The following GPCPD1 variants were observed in gnomAD, a reference collection of about 807,000 sequenced individuals.
GPCPD1 encodes glycerophosphocholine phosphodiesterase GPCPD1.
In GPCPD1, 29 loss-of-function variants were observed where a neutral mutation model predicts 89.2. The observed-to-expected ratio is 0.33, with a 90% CI of 0.24 to 0.44. The LOEUF is 0.44. GPCPD1 is among the 20% of genes least tolerant of loss of function. GPCPD1 has a pLI of 1.00. For synonymous variants in GPCPD1, 258 were observed against 266.3 expected (o/e 0.97, Z 0.30); for missense variants, 594 against 808.9 (o/e 0.73, Z 3.22).
intron 15 of GPCPD1, among the ~76,000 whole-genome samples, chr20:5,561,818 G>C (rs557071141): frequency 7.2e-5 from 11 of 152,078 alleles, no homozygotes; most frequent in Non-Finnish European, 1.3e-4. Flanking sequence ...AATCCTTTTC[G>C]CCATTACTAG....
At chr20:5,603,935 T>C (rs1369068109) in intron 2 of GPCPD1, among the ~76,000 whole-genome samples, 2 of 151,866 alleles carry the variant, frequency 1.3e-5, no homozygotes, top group African/African-American at 4.8e-5. Flanking sequence ...TTAGTAGAGA[T>C]GGGGTTTCAC....
chr20:5,559,926 A>C lies in GPCPD1; in HGVS notation c.1532+14T>G. On this transcript the variant is annotated intron_variant, in intron 17 of 19. Coordinates refer to ENST00000379019, the MANE Select transcript of GPCPD1 (RefSeq NM_019593.5). Reference sequence around the variant, plus strand: ...ATTCTAAGAGTATAGGAAAAAATACAGAGTATTACTCACATTGTGCAAATA... The same window carrying C: ...ATTCTAAGAGTATAGGAAAAAATACCGAGTATTACTCACATTGTGCAAATA... 4 of 1,435,220 alleles carry C rather than the reference A, an allele frequency of 2.8e-6. No individual in the cohort carries two copies. The highest frequency in any genetic ancestry group is 2.8e-6 in the Non-Finnish European group (3 of 1,065,148). The allele number at this position is 1,435,220 out of a possible 1,614,324, so 88.9% of individuals were successfully genotyped here. A position where few individuals can be genotyped will look rare whatever the true frequency, so the allele number is the denominator to read the frequency against.
intron 4 of GPCPD1, among the ~76,000 whole-genome samples, chr20:5,588,419 T>C (rs1247903263): frequency 6.6e-6 from 1 of 151,742 alleles, no homozygotes; most frequent in Non-Finnish European, 1.5e-5. Context: ...GCACGAGAAT[T>C]GCTTGACCGT....
At chr20:5,587,612 C>A (rs1016808161) in intron 4 of GPCPD1, among the ~76,000 whole-genome samples, 1 of 152,124 alleles carries the variant, frequency 6.6e-6, no homozygotes, top group Non-Finnish European at 1.5e-5. Context: ...GTGATCCACC[C>A]ACCTCAGCCT....
chr20:5,577,065 GT>G (rs35980274), intron 8 of GPCPD1, among the ~76,000 whole-genome samples: 49,553 of 113,670 alleles, frequency 0.44, 10,953 homozygotes, highest in East Asian at 0.63. Flanking sequence ...TTTTTTTTTT[GT>G]TTTTTTTTTT....
At chr20:5,593,660 A>C (rs1378094725) in intron 3 of GPCPD1, among the ~76,000 whole-genome samples, 1 of 152,218 alleles carries the variant, frequency 6.6e-6, no homozygotes, top group Non-Finnish European at 1.5e-5. Flanking sequence ...AAGAAGATAG[A>C]CAGAACGAAG....
chr20:5,564,096 G>C (rs1986238612), intron 15 of GPCPD1, among the ~76,000 whole-genome samples: 1 of 152,104 alleles, frequency 6.6e-6, no homozygotes, highest in African/African-American at 2.4e-5. Context: ...AACAAAAGCA[G>C]AGCCAGCATC....
At chr20:5,584,531 C>G (rs41297638) in intron 5 of GPCPD1, 4 of 327,824 alleles carry the variant, frequency 1.2e-5, no homozygotes, top group Non-Finnish European at 1.7e-5. Flanking sequence ...TTACATACTT[C>G]GTTGATTGTC....
chr20:5,595,064 G>A (rs75429663), intron 3 of GPCPD1, among the ~76,000 whole-genome samples: 5,897 of 152,120 alleles, frequency 0.039, 152 homozygotes, highest in Non-Finnish European at 0.062. Context: ...CAGCAACCAC[G>A]ACTCTGATCA....
intron 12 of GPCPD1, among the ~76,000 whole-genome samples, chr20:5,568,590 C>A (rs977279992): frequency 2.0e-5 from 3 of 152,020 alleles, no homozygotes; most frequent in African/African-American, 7.2e-5. Context: ...AATATTTGAA[C>A]TCTCATTGAT....
intron 3 of GPCPD1, 55 bp from the exon 4 acceptor site, chr20:5,593,466 A>G: frequency 1.1e-6 from 1 of 871,900 alleles, no homozygotes; most frequent in Non-Finnish European, 1.9e-6. Context: ...ACAGTGCATA[A>G]AGACTTCTTA....
chr20:5,551,786 C>T (rs1402476393), intron 19 of GPCPD1, among the ~76,000 whole-genome samples: 1 of 151,936 alleles, frequency 6.6e-6, no homozygotes, highest in Non-Finnish European at 1.5e-5. Context: ...AAAAGAACGG[C>T]CTCTTACTCA....
intron 6 of GPCPD1, among the ~76,000 whole-genome samples, chr20:5,580,877 AT>A (rs1005700106): frequency 0.058 from 8,333 of 144,152 alleles, 478 homozygotes; most frequent in African/African-American, 0.16. Context: ...AATCAATTCC[AT>A]TTTTTTTTTT....
At chr20:5,583,876 A>G (rs983357456) in intron 6 of GPCPD1, among the ~76,000 whole-genome samples, 1 of 152,214 alleles carries the variant, frequency 6.6e-6, no homozygotes, top group African/African-American at 2.4e-5. Context: ...ATTATATAAC[A>G]TCATATACCT....
intron 18 of GPCPD1, among the ~76,000 whole-genome samples, chr20:5,558,417 TAC>T (rs1432457160): frequency 1.3e-5 from 2 of 152,186 alleles, no homozygotes; most frequent in African/African-American, 4.8e-5. Context: ...TTAAAAGGCA[TAC>T]AGTCTGAACA....
Position 5,558,383 on chromosome 20 carries a change from A to G in GPCPD1, c.1669-278T>C, listed in dbSNP as rs187716283. Among the ~76,000 whole-genome samples the G allele has an allele frequency of 2.0e-5, 3 of 152,328 alleles. No homozygotes were observed. In the East Asian group the frequency reaches 5.8e-4, roughly 29 times the overall value. ...GCTCTACCAAAACAAGTTCACGTTC[A>G]TCTGTAAAATGGGAATAATATTTTT... On this transcript the variant is annotated intron_variant, in intron 18 of 19. Coordinates refer to ENST00000379019, the MANE Select transcript of GPCPD1 (RefSeq NM_019593.5).
intron 10 of GPCPD1, among the ~76,000 whole-genome samples, chr20:5,574,472 C>A (rs1978285213): frequency 6.6e-6 from 1 of 152,132 alleles, no homozygotes; most frequent in South Asian, 2.1e-4. Flanking sequence ...CGGTGGCTCA[C>A]GCCTGTAACC....
intron 14 of GPCPD1, among the ~76,000 whole-genome samples, chr20:5,566,222 A>G (rs1036086562): frequency 6.6e-6 from 1 of 152,214 alleles, no homozygotes; most frequent in Admixed American, 6.5e-5. Flanking sequence ...CCTACCCCTG[A>G]GGGGCTAACA....
At chr20:5,580,870 C>A (rs1188263237) in intron 6 of GPCPD1, among the ~76,000 whole-genome samples, 2 of 150,930 alleles carry the variant, frequency 1.3e-5, no homozygotes, top group Non-Finnish European at 2.9e-5. Flanking sequence ...TAAAAGGAAT[C>A]AATTCCATTT....
Sources: allele counts gnomAD v4.1 joint callset (sites outside exome capture counted in the v4.1 genomes callset), GRCh38; gene constraint gnomAD v4.1.1; transcripts MANE v1.5; gene names NCBI Gene and HGNC (gene_info 2026-07-23, HGNC 2026-07-21).